Variants in GPR176 observed in about 807,000 individuals in gnomAD.
GPR176 encodes G protein-coupled receptor 176.
Under a neutral mutation model 35.4 loss-of-function variants are expected in GPR176, and 26 were observed. The observed-to-expected ratio is 0.74, with a 90% confidence interval of 0.54 to 1.02. The LOEUF is 1.02. GPR176 is among the 50% of genes least tolerant of loss of function. The pLI is 0.00. For synonymous variants in GPR176, 278 were observed against 271.3 expected (o/e 1.02, Z -0.24); for missense variants, 597 against 665.3 (o/e 0.90, Z 1.13).
chr15:39,801,130 T>C lies in GPR176; in HGVS notation c.*2A>G. 6.3e-7 allele frequency: 1 copy of C among 1,586,928 alleles called. No homozygotes were observed. The highest frequency in any genetic ancestry group is 1.3e-5 in the African/African-American group (1 of 74,300). On this transcript the variant is annotated 3_prime_UTR_variant, in exon 3 of 3. Coordinates refer to ENST00000561100, the MANE Select transcript of GPR176 (RefSeq NM_007223.3). ...GTTGCTTCCAAGAATTTACAATCCT[T>C]GCTAGGAATCCACCTTTGGAAAAAT...
chr15:39,830,206 A>G (rs936529907), intron 1 of GPR176, among the ~76,000 whole-genome samples: 1 of 152,200 alleles, frequency 6.6e-6, no homozygotes, highest in African/African-American at 2.4e-5. Flanking sequence ...TGAGCTGTGT[A>G]TAAGAGAATA....
chr15:39,849,355 A>G (rs1010765512), intron 1 of GPR176, among the ~76,000 whole-genome samples: 5 of 152,158 alleles, frequency 3.3e-5, no homozygotes, highest in African/African-American at 7.2e-5. Context: ...GAATTCTACT[A>G]AACGTTTCAA....
chr15:39,893,244 C>A (rs2032941107), intron 1 of GPR176, among the ~76,000 whole-genome samples: 1 of 152,100 alleles, frequency 6.6e-6, no homozygotes, highest in Non-Finnish European at 1.5e-5. Flanking sequence ...GGCAGAGGGC[C>A]CTGCAGCCTT....
chr15:39,801,728 C>T lies in GPR176; in HGVS notation c.952G>A (p.Val318Ile), dbSNP rs1211661002. ...LPKVSLLANP[V>I]LFLTVNKSVR... ...GATTTGTTCACAGTAAGAAAGAGAA[C>T]AGGGTTTGCCAGCAGGGAGACTTTG... Residue 318 changes from valine (V) to isoleucine (I), a missense_variant, in exon 3 of 3, where the codon GTT (valine) becomes ATT (isoleucine). Val to Ile is a conservative substitution (Grantham distance 29). Transcript: ENST00000561100. The T allele has an allele frequency of 6.2e-7, 1 of 1,613,850 alleles. No individual in the cohort carries two copies. Among genetic ancestry groups the T allele is most frequent in the South Asian group, 1.1e-5 (1 of 91,080 alleles).
chr15:39,869,423 G>C (rs1034938059), intron 1 of GPR176, among the ~76,000 whole-genome samples: 1 of 152,196 alleles, frequency 6.6e-6, no homozygotes, highest in African/African-American at 2.4e-5. Flanking sequence ...CTGTGGAGAA[G>C]AAACAGCTTT....
chr15:39,851,609 C>T (rs114486259), intron 1 of GPR176, among the ~76,000 whole-genome samples: 1,887 of 152,280 alleles, frequency 0.012, 58 homozygotes, highest in African/African-American at 0.043. Context: ...AGAACTCAGT[C>T]TTTTCTGTTA....
chr15:39,812,220 G>A (rs895138763), intron 1 of GPR176, among the ~76,000 whole-genome samples: 1 of 152,144 alleles, frequency 6.6e-6, no homozygotes, highest in African/African-American at 2.4e-5. Context: ...GTTGGTTTTG[G>A]GTGTGCCTGT....
At chr15:39,896,195 C>T (rs546586087) in intron 1 of GPR176, among the ~76,000 whole-genome samples, 12 of 152,248 alleles carry the variant, frequency 7.9e-5, no homozygotes, top group African/African-American at 2.9e-4. Context: ...GCTGGGACTA[C>T]AGACATACAT....
At chr15:39,806,969 T>TA (rs201462064) in intron 2 of GPR176, 37 bp downstream of exon 2, 5,414 of 1,374,194 alleles carry the variant, frequency 3.9e-3, no homozygotes, top group South Asian at 6.9e-3. Context: ...TAATACAACT[T>TA]AAAAAAAAAA....
At position 39,863,968 on chromosome 15, in the gene GPR176, C is replaced by T. The variant is rs538777509; in HGVS notation, c.172+55887G>A. Among the ~76,000 whole-genome samples, 13 of 152,228 alleles carry T rather than the reference C, an allele frequency of 8.5e-5. No homozygotes were observed. In the South Asian group the frequency reaches 2.1e-3, roughly 24 times the overall value. On this transcript the variant is annotated intron_variant, in intron 1 of 2. Coordinates refer to ENST00000561100, the MANE Select transcript of GPR176 (RefSeq NM_007223.3). ...TTGTATATTACTGAGTGTAAGATTGCCACTGCAGTCTGGTGTTGAGAATAT... is the reference window on the plus strand; with the variant it reads ...TTGTATATTACTGAGTGTAAGATTGTCACTGCAGTCTGGTGTTGAGAATAT...
chr15:39,831,276 T>C (rs959171236), intron 1 of GPR176, among the ~76,000 whole-genome samples: 4 of 152,244 alleles, frequency 2.6e-5, no homozygotes, highest in African/African-American at 9.6e-5. Flanking sequence ...GATGTTCCTA[T>C]CCCTAACTTT....
rs771256109 is a variant in GPR176 at position 39,801,212 on chromosome 15, T to C, written c.1468A>G (p.Lys490Glu). The change falls in exon 3 of 3, where the codon AAG becomes GAG. Residue 490 changes from lysine (K) to glutamate (E), a missense_variant. By Grantham distance (56) the Lys-to-Glu change is moderately conservative. Around this residue, in one of 3 missense-constraint regions of GPR176, gnomAD observed 251 missense variants for 255.4 expected, o/e 0.98. Transcript: ENST00000561100. ...TCCACCCTGCCTACCTTGGGCACCTTTGTCTGGATCAGCTCTTCTGGGGTG... is the reference window on the plus strand; with the variant it reads ...TCCACCCTGCCTACCTTGGGCACCTCTGTCTGGATCAGCTCTTCTGGGGTG... ...GNTPEELIQT[K>E]VPKVGRVERK... 2.8e-5 allele frequency: 45 copies of C among 1,614,034 alleles called. 1 individual carries two copies. The South Asian group carries it at 4.4e-4, about 16-fold the overall frequency.
intron 1 of GPR176, among the ~76,000 whole-genome samples, chr15:39,864,249 C>T (rs941538698): frequency 2.0e-5 from 3 of 152,082 alleles, no homozygotes; most frequent in African/African-American, 4.8e-5. Flanking sequence ...TTCACCTATT[C>T]TTTTTTTAAG....
chr15:39,879,752 C>T (rs1025424154), intron 1 of GPR176, among the ~76,000 whole-genome samples: 1 of 152,290 alleles, frequency 6.6e-6, no homozygotes, highest in African/African-American at 2.4e-5. Context: ...CATCCTATTC[C>T]TCACTCACTC....
At chr15:39,871,540 C>A (rs1367427018) in intron 1 of GPR176, among the ~76,000 whole-genome samples, 1 of 152,192 alleles carries the variant, frequency 6.6e-6, no homozygotes, top group Non-Finnish European at 1.5e-5. Context: ...GGATTCACTG[C>A]CTTTAACAGA....
chr15:39,915,528 A>G (rs779507757), intron 1 of GPR176, among the ~76,000 whole-genome samples: 1 of 152,206 alleles, frequency 6.6e-6, no homozygotes, highest in Non-Finnish European at 1.5e-5. Flanking sequence ...AATAAGAACC[A>G]TACATTTTGC....
intron 1 of GPR176, among the ~76,000 whole-genome samples, chr15:39,857,281 CT>C: frequency 1.3e-5 from 2 of 152,300 alleles, no homozygotes; most frequent in South Asian, 4.1e-4. Flanking sequence ...TAACCCAACC[CT>C]TACTTCCCCC....
At position 39,865,115 on chromosome 15, in the gene GPR176, G is replaced by T. The variant is rs564444239; in HGVS notation, c.172+54740C>A. ...ACACTATTGATGGGAATTTAAATGA[G>T]TATAACCTCTATGGAAAAAATATGA... On this transcript the variant is annotated intron_variant, in intron 1 of 2. Transcript: ENST00000561100. Among the ~76,000 whole-genome samples the T allele has an allele frequency of 1.5e-4, 23 of 152,172 alleles. No individual in the cohort carries two copies. The South Asian group carries it at 1.7e-3, about 11-fold the overall frequency.
intron 1 of GPR176, among the ~76,000 whole-genome samples, chr15:39,859,121 CA>C (rs1374833863): frequency 6.6e-6 from 1 of 151,560 alleles, no homozygotes; most frequent in Non-Finnish European, 1.5e-5. Flanking sequence ...AACTGGCACC[CA>C]AAAACTAGGA....
Sources: gnomAD v4.1 joint callset for allele counts (sites outside exome capture counted in the v4.1 genomes callset) on GRCh38, gnomAD v4.1.1 for gene constraint, gnomAD v4.1.1 regional missense constraint, MANE v1.5 for transcripts, NCBI Gene and HGNC (gene_info 2026-07-23, HGNC 2026-07-21) for gene names.